GYS1: variants seen among roughly 807,000 people sequenced by gnomAD.
GYS1 encodes the protein glycogen synthase 1, also known as glycogen [starch] synthase, muscle.
In GYS1, 60 loss-of-function variants were observed where a neutral mutation model predicts 89.1. That is an observed-to-expected ratio of 0.67 (90% CI 0.55 to 0.84). The LOEUF is 0.84. GYS1 is among the 40% of genes least tolerant of loss of function. The pLI is 0.00. For synonymous variants in GYS1, 366 were observed against 401.7 expected (o/e 0.91, Z 1.06); for missense variants, 888 against 1,003.1 (o/e 0.89, Z 1.55).
In GYS1 at chr19:48,979,812, A is replaced by T. The variant is rs938567888; in HGVS notation, c.1170-1655T>A. On this transcript the variant is annotated intron_variant, in intron 8 of 15. Transcript: ENST00000323798. ...AGATGTGTGTCACCACGCCCTGCTG[A>T]TTTTTTTTATTTTTAGGAAAGACGG... 9.3e-4 allele frequency among the ~76,000 whole-genome samples: 139 copies of T among 149,814 alleles called. 1 individual carries two copies. The highest frequency in any genetic ancestry group is 3.0e-4 in the Non-Finnish European group (20 of 67,608).
At chr19:48,973,977 A>G (rs940676727) in intron 12 of GYS1, among the ~76,000 whole-genome samples, 7 of 150,558 alleles carry the variant, frequency 4.6e-5, no homozygotes, top group African/African-American at 1.8e-4. Context: ...TTTCTGGGAG[A>G]AAGCAGTGTG....
At chr19:48,986,918 A>G (rs1405457903) in intron 3 of GYS1, among the ~76,000 whole-genome samples, 1 of 152,166 alleles carries the variant, frequency 6.6e-6, no homozygotes, top group Admixed American at 6.5e-5. Context: ...CACACTAGAG[A>G]ACTACAACTC....
chr19:48,987,352 G>A lies in GYS1; in HGVS notation c.334C>T (p.Pro112Ser), dbSNP rs770505189. Residue 112 changes from proline (P) to serine (S), a missense_variant, in exon 3 of 16, where the codon CCT (proline) becomes TCT (serine). Transcript: ENST00000323798. ...YFGRWLIEGG[P>S]LVVLLDVGAS... ...CCCACGTCCAGGAGCACCACCAGAG[G>A]GCCTCCCTCGATCAGCCAGCGCCCG... 2 of 1,609,966 alleles carry A rather than the reference G, an allele frequency of 1.2e-6. No homozygotes were observed. Among genetic ancestry groups the A allele is most frequent in the Admixed American group, 1.7e-5 (1 of 59,548 alleles).
chr19:48,977,852 G>C lies in GYS1; in HGVS notation c.1308+72C>G, dbSNP rs920539442. The C allele has an allele frequency of 2.3e-5, 26 of 1,127,178 alleles. No homozygotes were observed. The Admixed American group carries it at 3.7e-4, about 16-fold the overall frequency. The allele number at this position is 1,127,178 out of a possible 1,614,324, so 69.8% of individuals were successfully genotyped here. A position where few individuals can be genotyped will look rare whatever the true frequency, so the allele number is the denominator to read the frequency against. ...GGACTCCCAGCAATCTCTGGGGTCTGAGCTGGCCTGGCAAGCTGCCTCTGG... is the reference window on the plus strand; with the variant it reads ...GGACTCCCAGCAATCTCTGGGGTCTCAGCTGGCCTGGCAAGCTGCCTCTGG... On this transcript the variant is annotated intron_variant, in intron 10 of 15. Coordinates refer to ENST00000323798, the MANE Select transcript of GYS1 (RefSeq NM_002103.5).
chr19:48,980,783 C>A (rs2038748077), intron 8 of GYS1, among the ~76,000 whole-genome samples: 3 of 152,062 alleles, frequency 2.0e-5, no homozygotes, highest in Non-Finnish European at 4.4e-5. Flanking sequence ...TGTTCAAGAT[C>A]AGCCTGGCCA....
intron 10 of GYS1, among the ~76,000 whole-genome samples, chr19:48,977,354 A>G (rs2038671603): frequency 6.6e-6 from 1 of 152,292 alleles, no homozygotes; most frequent in Admixed American, 6.5e-5. Flanking sequence ...GCACTTTGGG[A>G]GGCTGAGGCA....
chr19:48,992,969 A>T lies in GYS1; in HGVS notation c.118+26T>A, dbSNP rs778852398. On this transcript the variant is annotated intron_variant, in intron 1 of 15. Transcript: ENST00000323798. The stretch of plus-strand genomic sequence containing the variant: ...CCATCCACTACTGTCCTTCTCGTCA[A>T]GGGCCCCGACGCCTGGCGTGCTCAC... 3.7e-6 allele frequency: 5 copies of T among 1,338,526 alleles called. No individual in the cohort carries two copies. In the South Asian group the frequency reaches 5.8e-5, roughly 16 times the overall value. The allele number at this position is 1,338,526 out of a possible 1,614,324, so 82.9% of individuals were successfully genotyped here.
At position 48,993,250 on chromosome 19, in the gene GYS1, A is replaced by G. The variant is rs772509452; in HGVS notation, c.-138T>C. ...TGCAAGACGCTCGGCTTCCTATTGC[A>G]AGACCGCACCCCTGCCCCGAAGCGT... is the stretch of plus-strand genomic sequence containing the variant. On this transcript the variant is annotated 5_prime_UTR_variant, in exon 1 of 16. Coordinates refer to ENST00000323798, the MANE Select transcript of GYS1 (RefSeq NM_002103.5). 70 of 751,774 alleles carry G rather than the reference A, an allele frequency of 9.3e-5. 1 individual carries two copies. In the Admixed American group the frequency reaches 1.2e-3, roughly 13 times the overall value. The allele number at this position is 751,774 out of a possible 1,614,324, so 46.6% of individuals were successfully genotyped here.
intron 5 of GYS1, 27 bp from the exon 6 acceptor site, chr19:48,982,864 TTTTA>T: frequency 1.5e-6 from 2 of 1,337,912 alleles, no homozygotes; most frequent in Non-Finnish European, 2.2e-6. Flanking sequence ...GGGTCCCATG[TTTTA>T]TTTGTTCATT....
chr19:48,975,866 C>T (rs756292776), intron 10 of GYS1, among the ~76,000 whole-genome samples: 2 of 145,386 alleles, frequency 1.4e-5, no homozygotes, highest in African/African-American at 2.6e-5. Context: ...GAGCCAAGAT[C>T]GCGCCACTGC....
intron 8 of GYS1, among the ~76,000 whole-genome samples, chr19:48,980,867 C>A (rs1318251713): frequency 6.6e-6 from 1 of 151,766 alleles, no homozygotes; most frequent in Non-Finnish European, 1.5e-5. Context: ...GGAATCCCAG[C>A]ACTTTGGGAG....
rs1426249714 is a variant in GYS1 at position 48,974,297 on chromosome 19, G to A, written c.1465C>T (p.Leu489Phe). The change falls in exon 12 of 16, where the codon CTC becomes TTC. Residue 489 changes from leucine (L) to phenylalanine (F), a missense_variant. Physicochemically the swap from Leu to Phe is conservative, Grantham distance 22. Coordinates refer to ENST00000323798, the MANE Select transcript of GYS1 (RefSeq NM_002103.5). Reference sequence around the variant, plus strand: ...ACAAACTCCTCATAGTCCACAGGGAGCAGGGGGCTTGTGGAGGAGAGGAAC... The same window carrying A: ...ACAAACTCCTCATAGTCCACAGGGAACAGGGGGCTTGTGGAGGAGAGGAAC... ...PEFLSSTSPL[L>F]PVDYEEFVRG... The A allele has an allele frequency of 6.2e-7, 1 of 1,613,596 alleles. No homozygotes were observed. The highest frequency in any genetic ancestry group is 1.1e-5 in the South Asian group (1 of 91,068).
intron 8 of GYS1, among the ~76,000 whole-genome samples, chr19:48,979,946 TTC>T (rs2122499709): frequency 6.6e-6 from 1 of 151,946 alleles, no homozygotes; most frequent in South Asian, 2.1e-4. Context: ...CACGCCCGAC[TTC>T]TTTTTTATTT....
At chr19:48,983,788 A>T (rs1000020582) in intron 5 of GYS1, among the ~76,000 whole-genome samples, 4 of 152,156 alleles carry the variant, frequency 2.6e-5, no homozygotes, top group Admixed American at 6.6e-5. Flanking sequence ...CTTTCATAAG[A>T]CCAATCTACA....
rs2038496164 is a variant in GYS1 at position 48,968,527 on chromosome 19, A to G, written c.*761T>C. 6.6e-6 allele frequency: 3 copies of G among 454,434 alleles called. No individual in the cohort carries two copies. The highest frequency in any genetic ancestry group is 6.0e-5 in the African/African-American group (3 of 50,006). The allele number at this position is 454,434 out of a possible 1,614,324, so 28.2% of individuals were successfully genotyped here. On this transcript the variant is annotated 3_prime_UTR_variant, in exon 16 of 16. Coordinates refer to ENST00000323798, the MANE Select transcript of GYS1 (RefSeq NM_002103.5). Reference sequence around the variant, plus strand: ...CGGATTCCCTGGAGGGAGATCTCAGATTTAGAAAGGAAGAGTAGGATCTGG... The same window carrying G: ...CGGATTCCCTGGAGGGAGATCTCAGGTTTAGAAAGGAAGAGTAGGATCTGG...
chr19:48,970,619 CG>C lies in GYS1; in HGVS notation c.1735del (p.Arg579GlyfsTer23). The C allele has an allele frequency of 6.2e-7, 1 of 1,613,956 alleles. No individual in the cohort carries two copies. The highest frequency in any genetic ancestry group is 8.5e-7 in the Non-Finnish European group (1 of 1,179,942). On this transcript the variant is annotated frameshift_variant, in exon 14 of 16. Transcript: ENST00000323798. LOFTEE classifies it high-confidence loss of function. Reference protein sequence around the residue: ...SFLYSFCQQSRRQRIIQRNRT... With the variant: ...SFLYSFCQQSXRQRIIQRNRT... ...GTTCCGCTGGATGATACGCTGCCGCCGGCTCTGCTGACAGAAACTGTAGAGG... is the reference window on the plus strand; with the variant it reads ...GTTCCGCTGGATGATACGCTGCCGCCGCTCTGCTGACAGAAACTGTAGAGG...
chr19:48,992,884 C>T (rs540390040), intron 1 of GYS1, 111 bp downstream of exon 1: 66 of 755,014 alleles, frequency 8.7e-5, no homozygotes, highest in Non-Finnish European at 1.4e-4. Context: ...AGCCTCCTTG[C>T]CCAGGTCACA....
chr19:48,974,861 C>G, intron 10 of GYS1, 128 bp from the exon 11 acceptor site: 1 of 651,966 alleles, frequency 1.5e-6, no homozygotes, highest in Non-Finnish European at 2.8e-6. Context: ...GCAACAAACC[C>G]AAGTGATCAC....
intron 8 of GYS1, among the ~76,000 whole-genome samples, chr19:48,980,032 C>A (rs914924065): frequency 6.6e-6 from 1 of 152,090 alleles, no homozygotes; most frequent in Non-Finnish European, 1.5e-5. Flanking sequence ...ACAGCCTCAA[C>A]CTCCAGGGCC....
Sources: gnomAD v4.1 joint callset for allele counts (sites outside exome capture counted in the v4.1 genomes callset) on GRCh38, gnomAD v4.1.1 for gene constraint, MANE v1.5 for transcripts, NCBI Gene and HGNC (gene_info 2026-07-23, HGNC 2026-07-21) for gene names.